The following SLC26A5 variants were observed in gnomAD, a reference collection of about 807,000 sequenced individuals.
SLC26A5 encodes the protein prestin.
SLC26A5 carries 51 observed loss-of-function variants against 81.0 expected under a neutral mutation model. That is an observed-to-expected ratio of 0.63 (90% CI 0.50 to 0.80). The LOEUF is 0.80. Among genes scored for constraint, SLC26A5 ranks in the 30% least tolerant of loss-of-function variants. SLC26A5 has a pLI of 0.00. For missense variants in SLC26A5, 771 were observed against 905.8 expected (o/e 0.85, Z 1.91); for synonymous variants, 325 against 332.8 (o/e 0.98, Z 0.25).
At chr7:103,386,349 C>T (rs972362267) in intron 14 of SLC26A5, among the ~76,000 whole-genome samples, 7 of 151,958 alleles carry the variant, frequency 4.6e-5, no homozygotes, top group East Asian at 3.9e-4. Flanking sequence ...GGGCAGATTG[C>T]GAGGTCAGGA....
chr7:103,414,925 C>G (rs986880859), intron 4 of SLC26A5, among the ~76,000 whole-genome samples: 1 of 152,170 alleles, frequency 6.6e-6, no homozygotes, highest in African/African-American at 2.4e-5. Context: ...CTGGAAAATT[C>G]TCATTCCAAA....
chr7:103,368,112 G>A (rs1055290284), intron 19 of SLC26A5: 6 of 1,423,118 alleles, frequency 4.2e-6, no homozygotes, highest in Non-Finnish European at 5.7e-6. Flanking sequence ...ATATAGACTT[G>A]TTAATAACCA....
At position 103,443,511 on chromosome 7, in the gene SLC26A5, T is replaced by C. The variant is rs553852341; in HGVS notation, c.-182-300A>G. The stretch of plus-strand genomic sequence containing the variant: ...ACAAGTTTGCATATGAGAAATTGTG[T>C]CCAGAATGGGGCATCATCAGTAGTG... On this transcript the variant is annotated intron_variant, in intron 1 of 19. Transcript: ENST00000306312. Among the ~76,000 whole-genome samples, 112 of 152,316 alleles carry C rather than the reference T, an allele frequency of 7.4e-4. 1 individual carries two copies. In the South Asian group the frequency reaches 0.022, roughly 30 times the overall value.
chr7:103,414,203 T>A (rs1409076132), intron 4 of SLC26A5, among the ~76,000 whole-genome samples: 1 of 142,044 alleles, frequency 7.0e-6, no homozygotes, highest in African/African-American at 2.7e-5. Context: ...TTTTTTTTTT[T>A]AAGACAGGGT....
intron 8 of SLC26A5, among the ~76,000 whole-genome samples, chr7:103,405,132 T>G (rs1823935149): frequency 6.6e-6 from 1 of 152,208 alleles, no homozygotes; most frequent in South Asian, 2.1e-4. Context: ...TAGAATATGT[T>G]CCTTTAGCTC....
chr7:103,400,514 G>T (rs1309520180), intron 8 of SLC26A5, among the ~76,000 whole-genome samples: 1 of 152,146 alleles, frequency 6.6e-6, no homozygotes, highest in Non-Finnish European at 1.5e-5. Flanking sequence ...CCATTCTGTA[G>T]GTTGCCTGTT....
intron 2 of SLC26A5, among the ~76,000 whole-genome samples, chr7:103,433,309 C>T (rs1826212620): frequency 6.6e-6 from 1 of 152,158 alleles, no homozygotes; most frequent in South Asian, 2.1e-4. Context: ...TTTTTCTCTG[C>T]ATTCTTCTGA....
chr7:103,422,202 A>C (rs1218540508), intron 2 of SLC26A5, among the ~76,000 whole-genome samples: 1 of 152,236 alleles, frequency 6.6e-6, no homozygotes, highest in Non-Finnish European at 1.5e-5. Context: ...GATACCACTT[A>C]TATGAGTAAA....
chr7:103,378,387 A>G, intron 17 of SLC26A5, 59 bp downstream of exon 17: 1 of 1,505,364 alleles, frequency 6.6e-7, no homozygotes, highest in South Asian at 1.1e-5. Context: ...TCATGAGTAA[A>G]GATGGAGGGC....
At chr7:103,428,663 A>G (rs1825865286) in intron 2 of SLC26A5, among the ~76,000 whole-genome samples, 1 of 151,566 alleles carries the variant, frequency 6.6e-6, no homozygotes, top group Non-Finnish European at 1.5e-5. Flanking sequence ...CCCAGGTTCA[A>G]GCGATTCTCC....
At chr7:103,355,286 AT>A (rs1819966808) in intron 19 of SLC26A5, among the ~76,000 whole-genome samples, 1 of 152,212 alleles carries the variant, frequency 6.6e-6, no homozygotes, top group South Asian at 2.1e-4. Context: ...GCTTCAAGTA[AT>A]TGGGCTCTTT....
chr7:103,371,633 C>T (rs954669172), downstream of SLC26A5, among the ~76,000 whole-genome samples: 1 of 148,792 alleles, frequency 6.7e-6, no homozygotes, highest in African/African-American at 2.5e-5. Context: ...CTGTACACTA[C>T]TGTCAATCTA....
chr7:103,427,814 G>A (rs1825804902), intron 2 of SLC26A5, among the ~76,000 whole-genome samples: 1 of 151,758 alleles, frequency 6.6e-6, no homozygotes, highest in South Asian at 2.1e-4. Flanking sequence ...ATCACCTGGG[G>A]AGATTAAAAC....
At chr7:103,390,112 T>C (rs781036424) in intron 12 of SLC26A5, among the ~76,000 whole-genome samples, 3 of 152,124 alleles carry the variant, frequency 2.0e-5, no homozygotes, top group African/African-American at 4.8e-5. Flanking sequence ...ATGTAGACCA[T>C]CTCAGGTTTT....
chr7:103,402,565 A>G (rs944257157), intron 8 of SLC26A5, among the ~76,000 whole-genome samples: 12 of 151,726 alleles, frequency 7.9e-5, no homozygotes, highest in African/African-American at 2.4e-4. Flanking sequence ...ATGTCTGGCT[A>G]ATTTTTTTTA....
intron 14 of SLC26A5, among the ~76,000 whole-genome samples, chr7:103,387,922 T>A (rs973743710): frequency 4.6e-5 from 7 of 152,126 alleles, no homozygotes; most frequent in African/African-American, 1.7e-4. Context: ...GACTTTGTGA[T>A]CCACCTGCCT....
intron 4 of SLC26A5, among the ~76,000 whole-genome samples, chr7:103,419,947 T>C (rs1362307824): frequency 6.6e-6 from 1 of 152,168 alleles, no homozygotes; most frequent in Non-Finnish European, 1.5e-5. Flanking sequence ...TCTCATGCCT[T>C]GATTGGATGG....
At chr7:103,378,575 G>A (rs1318724590) in intron 16 of SLC26A5, 22 bp from the exon 17 acceptor site, 1 of 1,605,396 alleles carries the variant, frequency 6.2e-7, no homozygotes, top group Admixed American at 1.7e-5. Context: ...AGCACCATAT[G>A]CAAAATCACT....
At chr7:103,389,289 T>A (rs1331398512) in intron 13 of SLC26A5, 40 bp downstream of exon 13, 1 of 1,432,568 alleles carries the variant, frequency 7.0e-7, no homozygotes, top group Admixed American at 1.7e-5. Flanking sequence ...TCATATCTGC[T>A]CTATGACATA....
Sources: allele counts gnomAD v4.1 joint callset (sites outside exome capture counted in the v4.1 genomes callset), GRCh38; gene constraint gnomAD v4.1.1; transcripts MANE v1.5; gene names NCBI Gene and HGNC (gene_info 2026-07-23, HGNC 2026-07-21).